FUT8: variants seen among roughly 807,000 people sequenced by gnomAD.
FUT8 encodes alpha-(1,6)-fucosyltransferase.
Under a neutral mutation model 71.3 loss-of-function variants are expected in FUT8, and 29 were observed. The observed-to-expected ratio is 0.41, with a 90% CI of 0.30 to 0.55. FUT8 has a LOEUF of 0.55. Ranked by LOEUF, FUT8 falls within the 20% of genes least tolerant of loss-of-function variation. The pLI, the probability that FUT8 is intolerant of heterozygous loss-of-function variation, is 0.34. For missense variants in FUT8, 544 were observed against 702.1 expected, an observed-to-expected ratio of 0.77 and a Z score of 2.55; for synonymous variants, 254 against 239.3, an observed-to-expected ratio of 1.06 and a Z score of -0.57.
intron 7 of FUT8, among the ~76,000 whole-genome samples, chr14:65,694,431 G>A (rs1893878147): frequency 6.6e-6 from 1 of 152,088 alleles, no homozygotes; most frequent in Non-Finnish European, 1.5e-5. Context: ...AACACAAAGT[G>A]CTTCAGCTAT....
intron 7 of FUT8, among the ~76,000 whole-genome samples, chr14:65,703,484 A>T (rs1243560073): frequency 6.6e-6 from 1 of 152,228 alleles, no homozygotes; most frequent in Non-Finnish European, 1.5e-5. Context: ...GAAGCTATAG[A>T]TTGTAAAGTA....
At chr14:65,553,062 C>T (rs1885379283) in intron 2 of FUT8, among the ~76,000 whole-genome samples, 1 of 152,084 alleles carries the variant, frequency 6.6e-6, no homozygotes, top group Non-Finnish European at 1.5e-5. Flanking sequence ...CTCAAGTGAT[C>T]CTCCCACCTC....
At chr14:65,677,151 T>TGTGTGTGTGTGCGCGCGCGCGCGC in intron 7 of FUT8, among the ~76,000 whole-genome samples, 6 of 110,702 alleles carry the variant, frequency 5.4e-5, no homozygotes, top group Non-Finnish European at 1.1e-4. Context: ...TGTGTGTGTG[T>TGTGTGTGTGTGCGCGCGCGCGCGC]GCGCGCGCGC....
intron 2 of FUT8, among the ~76,000 whole-genome samples, chr14:65,474,631 G>T (rs943472006): frequency 1.3e-5 from 2 of 151,830 alleles, no homozygotes; most frequent in Non-Finnish European, 2.9e-5. Flanking sequence ...ATCTTCTGTT[G>T]TACCTAATCT....
intron 3 of FUT8, among the ~76,000 whole-genome samples, chr14:65,614,246 C>T (rs1889166100): frequency 6.6e-6 from 1 of 152,136 alleles, no homozygotes; most frequent in Non-Finnish European, 1.5e-5. Flanking sequence ...CAGCTCATCT[C>T]TAAAATGACA....
intron 1 of FUT8, among the ~76,000 whole-genome samples, chr14:65,434,918 T>C (rs529056193): frequency 4.1e-4 from 62 of 152,340 alleles, no homozygotes; most frequent in Non-Finnish European, 8.5e-4. Context: ...GGCAAATGCA[T>C]ATAATATGTA....
At chr14:65,693,334 G>T (rs528468578) in intron 7 of FUT8, among the ~76,000 whole-genome samples, 1 of 152,196 alleles carries the variant, frequency 6.6e-6, no homozygotes, top group African/African-American at 2.4e-5. Flanking sequence ...GCGAAACCCC[G>T]TCTCCACCAA....
chr14:65,569,792 TG>T (rs2140074600), intron 3 of FUT8, among the ~76,000 whole-genome samples: 1 of 152,124 alleles, frequency 6.6e-6, no homozygotes, highest in South Asian at 2.1e-4. Flanking sequence ...AAAGGCACTG[TG>T]GAGGCTACAG....
intron 6 of FUT8, among the ~76,000 whole-genome samples, chr14:65,665,511 A>T (rs1488153911): frequency 6.6e-6 from 1 of 152,198 alleles, no homozygotes; most frequent in Non-Finnish European, 1.5e-5. Context: ...TAGTTCAGCC[A>T]TTGTAGAAAG....
chr14:65,612,419 G>C (rs1162550149), intron 3 of FUT8, among the ~76,000 whole-genome samples: 1 of 152,176 alleles, frequency 6.6e-6, no homozygotes, highest in East Asian at 1.9e-4. Context: ...ATCAGGAACT[G>C]TTTCTACCTA....
intron 3 of FUT8, among the ~76,000 whole-genome samples, chr14:65,602,430 G>A (rs1328273144): frequency 2.1e-5 from 3 of 143,710 alleles, no homozygotes; most frequent in Non-Finnish European, 4.5e-5. Context: ...ATTGATTGAT[G>A]GGCATTTGGT....
chr14:65,487,072 A>G (rs549779511), intron 2 of FUT8, among the ~76,000 whole-genome samples: 1 of 152,314 alleles, frequency 6.6e-6, no homozygotes, highest in African/African-American at 2.4e-5. Flanking sequence ...GCATAAGATT[A>G]TGTTAGAAAA....
chr14:65,430,003 T>C (rs1566741799), intron 1 of FUT8, among the ~76,000 whole-genome samples: 1 of 145,326 alleles, frequency 6.9e-6, no homozygotes, highest in Non-Finnish European at 1.5e-5. Context: ...CTGTTCTTAT[T>C]GCAAGAATCT....
intron 2 of FUT8, among the ~76,000 whole-genome samples, chr14:65,506,419 G>T (rs183701855): frequency 6.6e-6 from 1 of 152,270 alleles, no homozygotes; most frequent in East Asian, 1.9e-4. Context: ...TAATTCCATG[G>T]TGATAGCAGA....
intron 5 of FUT8, among the ~76,000 whole-genome samples, chr14:65,619,330 G>A (rs1410537042): frequency 6.6e-6 from 1 of 152,040 alleles, no homozygotes; most frequent in Non-Finnish European, 1.5e-5. Flanking sequence ...AGTGAGCTGT[G>A]GGGGTAAGAC....
intron 7 of FUT8, among the ~76,000 whole-genome samples, chr14:65,673,020 C>T (rs1892543568): frequency 6.6e-6 from 1 of 152,102 alleles, no homozygotes; most frequent in Admixed American, 6.5e-5. Flanking sequence ...TTAATAAATA[C>T]ATAAGTTAAA....
At chr14:65,524,640 C>T (rs2139876678) in intron 2 of FUT8, among the ~76,000 whole-genome samples, 1 of 152,280 alleles carries the variant, frequency 6.6e-6, no homozygotes, top group East Asian at 1.9e-4. Context: ...GAGGGCATCC[C>T]TGTCTTGTGC....
chr14:65,380,615 C>T, the FUT8 span, among the ~76,000 whole-genome samples: 1 of 152,224 alleles, frequency 6.6e-6, no homozygotes, highest in Non-Finnish European at 1.5e-5. Flanking sequence ...TCCCAGCCTT[C>T]TGCAACCTCA....
chr14:65,542,414 T>C (rs1321018362), intron 2 of FUT8, among the ~76,000 whole-genome samples: 1 of 152,234 alleles, frequency 6.6e-6, no homozygotes, highest in East Asian at 1.9e-4. Context: ...TATGTGTATT[T>C]GTCTTTAGCA....
Sources: gnomAD v4.1 joint callset for allele counts (sites outside exome capture counted in the v4.1 genomes callset) on GRCh38, gnomAD v4.1.1 for gene constraint, MANE v1.5 for transcripts, NCBI Gene and HGNC (gene_info 2026-07-23, HGNC 2026-07-21) for gene names.